PAWR: variants seen among roughly 807,000 people sequenced by gnomAD.
PAWR encodes PRKC apoptosis WT1 regulator protein.
Under a neutral mutation model 32.0 loss-of-function variants are expected in PAWR, and 23 were observed. The ratio of observed to expected loss-of-function variants is 0.72; its 90% confidence interval spans 0.52 to 1.02. The LOEUF is 1.02. Ranked by LOEUF, PAWR falls within the 50% of genes least tolerant of loss-of-function variation. PAWR has a pLI of 0.00. For synonymous variants in PAWR, 226 were observed against 187.1 expected (o/e 1.21, Z -1.70); for missense variants, 457 against 437.7 (o/e 1.04, Z -0.39).
intron 3 of PAWR, among the ~76,000 whole-genome samples, chr12:79,615,429 T>C (rs1407800858): frequency 2.0e-5 from 3 of 152,182 alleles, no homozygotes; most frequent in South Asian, 2.1e-4. Flanking sequence ...GGTGACAGGA[T>C]ACTTGAGCGA....
intron 2 of PAWR, among the ~76,000 whole-genome samples, chr12:79,677,755 T>C (rs1448407188): frequency 6.6e-6 from 1 of 152,130 alleles, no homozygotes; most frequent in African/African-American, 2.4e-5. Flanking sequence ...AAGTAATACA[T>C]GGAGAAAAAT....
intron 2 of PAWR, among the ~76,000 whole-genome samples, chr12:79,678,357 C>T (rs186071062): frequency 5.9e-5 from 9 of 152,332 alleles, no homozygotes; most frequent in East Asian, 1.9e-4. Flanking sequence ...CACAATTGGT[C>T]CATATCAATC....
intron 2 of PAWR, among the ~76,000 whole-genome samples, chr12:79,660,115 T>C (rs1219239718): frequency 6.6e-6 from 1 of 152,158 alleles, no homozygotes; most frequent in Non-Finnish European, 1.5e-5. Context: ...ACCACAGACA[T>C]TGTCGGTTAT....
Position 79,644,197 on chromosome 12 carries a change from C to T in PAWR, c.517-22990G>A, listed in dbSNP as rs8176825. ...CTTTATTTTAAAAGGACCCAAAGTT[C>T]TTGATCTCATTTCAGGAGGACAGAA... On this transcript the variant is annotated intron_variant, in intron 2 of 6. Coordinates refer to ENST00000328827, the MANE Select transcript of PAWR (RefSeq NM_002583.4). Among the ~76,000 whole-genome samples, 64 of 152,208 alleles carry T rather than the reference C, an allele frequency of 4.2e-4. No homozygotes were observed. In the East Asian group the frequency reaches 0.011, roughly 27 times the overall value.
chr12:79,631,794 T>G (rs1302701566), intron 2 of PAWR, among the ~76,000 whole-genome samples: 3 of 151,900 alleles, frequency 2.0e-5, no homozygotes, highest in Non-Finnish European at 4.4e-5. Context: ...AAAATTTAAG[T>G]GGAAATGAAG....
chr12:79,656,400 G>T (rs1353473965), intron 2 of PAWR, among the ~76,000 whole-genome samples: 2 of 152,140 alleles, frequency 1.3e-5, no homozygotes, highest in African/African-American at 4.8e-5. Flanking sequence ...GCAATATCTA[G>T]AACTAAAATT....
At chr12:79,633,528 G>C (rs1199666009) in intron 2 of PAWR, among the ~76,000 whole-genome samples, 1 of 151,896 alleles carries the variant, frequency 6.6e-6, no homozygotes, top group African/African-American at 2.4e-5. Context: ...TTTTGTTGTT[G>C]TTTTTCTTTT....
chr12:79,663,261 TCTC>T (rs1263470589), intron 2 of PAWR, among the ~76,000 whole-genome samples: 4 of 152,226 alleles, frequency 2.6e-5, no homozygotes, highest in Non-Finnish European at 5.9e-5. Context: ...TTTGCCTCCT[TCTC>T]CTATCTTGTC....
rs1874983641 is a variant in PAWR, at chr12:79,621,106, T to C, written c.618A>G (p.Leu206=). 6.2e-7 allele frequency: 1 copy of C among 1,607,770 alleles called. No individual in the cohort carries two copies. Among genetic ancestry groups the C allele is most frequent in the Non-Finnish European group, 8.5e-7 (1 of 1,176,840 alleles). ...GCAGATAGGAACTGCCTGGATCTAG[T>C]AAGTTTACAGCTTCATTCTGAATAG... The part of the protein sequence containing the change: ...QNTIQNEAVN[L]LDPGSSYLLQ... The change falls in exon 3 of 7, where the codon TTA becomes TTG. Residue 206 remains leucine (L), a synonymous_variant. Transcript: ENST00000328827.
chr12:79,636,206 C>T (rs1875954373), intron 2 of PAWR, among the ~76,000 whole-genome samples: 1 of 152,044 alleles, frequency 6.6e-6, no homozygotes, highest in Non-Finnish European at 1.5e-5. Flanking sequence ...AGTTCATAGA[C>T]TAAATAACAA....
At chr12:79,603,768 G>C (rs1874057904) in intron 4 of PAWR, 1 of 142,670 alleles carries the variant, frequency 7.0e-6, no homozygotes, top group African/African-American at 2.6e-5. Flanking sequence ...ACCTCAGCCT[G>C]CAGTCAAGTG....
intron 4 of PAWR, among the ~76,000 whole-genome samples, chr12:79,610,135 T>A (rs1874369030): frequency 6.6e-6 from 1 of 152,180 alleles, no homozygotes. Flanking sequence ...AGTTCCTGCC[T>A]GCAAAGGGGC....
intron 2 of PAWR, among the ~76,000 whole-genome samples, chr12:79,687,207 T>G (rs1001450370): frequency 6.6e-6 from 1 of 152,162 alleles, no homozygotes; most frequent in Non-Finnish European, 1.5e-5. Context: ...ACCACCCAGT[T>G]TCCTACCTCC....
intron 2 of PAWR, among the ~76,000 whole-genome samples, chr12:79,663,056 T>C (rs1437420249): frequency 6.6e-6 from 1 of 152,228 alleles, no homozygotes; most frequent in Non-Finnish European, 1.5e-5. Flanking sequence ...CCTGTCCACC[T>C]ACCTAATTTT....
In PAWR at chr12:79,586,234, A is replaced by G. The variant is rs1873382707; in HGVS notation, c.*6373T>C. On this transcript the variant is annotated 3_prime_UTR_variant, in exon 7 of 7. Transcript: ENST00000328827. ...CATAAAATGTTTAATGTGTTATGGA[A>G]GGCTAACAGTTTTTCAACTTTTCTC... 6.6e-6 allele frequency: 1 copy of G among 152,568 alleles called. No homozygotes were observed. The allele number at this position is 152,568 out of a possible 1,614,324, so 9.5% of individuals were successfully genotyped here. A position where few individuals can be genotyped will look rare whatever the true frequency, so the allele number is the denominator to read the frequency against.
rs1323939746 is a variant in PAWR, at chr12:79,607,744, A to AT, written c.683+5830_683+5831insA. ...ACCTTGTCTCAAAAAAAAAAAAAAA[A>AT]ATAATAATAATAATAATAATCTGGC... On this transcript the variant is annotated intron_variant, in intron 4 of 6. Transcript: ENST00000328827. 7.7e-4 allele frequency among the ~76,000 whole-genome samples: 113 copies of AT among 146,106 alleles called. 1 individual carries two copies. The highest frequency in any genetic ancestry group is 2.8e-3 in the Admixed American group (40 of 14,508).
intron 2 of PAWR, among the ~76,000 whole-genome samples, chr12:79,626,163 T>TAAAAAAAAAAA (rs565157190): frequency 4.0e-4 from 33 of 82,130 alleles, no homozygotes; most frequent in African/African-American, 1.1e-3. Flanking sequence ...GACTCCATCT[T>TAAAAAAAAAAA]AAAAAAAAAA....
At chr12:79,631,993 C>A (rs1875647748) in intron 2 of PAWR, 1 of 151,066 alleles carries the variant, frequency 6.6e-6, no homozygotes, top group Non-Finnish European at 1.5e-5. Context: ...ATTAGCTGGG[C>A]ATGGTGGCGT....
At chr12:79,680,879 A>G (rs892992314) in intron 2 of PAWR, among the ~76,000 whole-genome samples, 4 of 151,922 alleles carry the variant, frequency 2.6e-5, no homozygotes, top group Non-Finnish European at 5.9e-5. Flanking sequence ...CAACACTTTG[A>G]GAGGCCAAGG....
Sources: gnomAD v4.1 joint callset for allele counts (sites outside exome capture counted in the v4.1 genomes callset) on GRCh38, gnomAD v4.1.1 for gene constraint, MANE v1.5 for transcripts, NCBI Gene and HGNC (gene_info 2026-07-23, HGNC 2026-07-21) for gene names.